Variants in TRAPPC9 observed in about 807,000 individuals in gnomAD.
TRAPPC9 encodes the protein IKK2 binding protein.
Under a neutral mutation model 124.0 loss-of-function variants are expected in TRAPPC9, and 83 were observed. The observed-to-expected ratio is 0.67, with a 90% CI of 0.56 to 0.80. TRAPPC9 has a LOEUF of 0.80. Among genes scored for constraint, TRAPPC9 ranks in the 30% least tolerant of loss-of-function variants. The probability of loss-of-function intolerance (pLI) is 0.00; values close to 1 mark genes in which losing one functional copy is unlikely to be tolerated. For synonymous variants in TRAPPC9, 638 were observed against 617.5 expected, an observed-to-expected ratio of 1.03 and a Z score of -0.49; for missense variants, 1,302 against 1,508.3, an observed-to-expected ratio of 0.86 and a Z score of 2.27.
At chr8:140,320,979 C>T (rs1345683831) in intron 9 of TRAPPC9, among the ~76,000 whole-genome samples, 1 of 152,234 alleles carries the variant, frequency 6.6e-6, no homozygotes, top group Non-Finnish European at 1.5e-5. Context: ...TCTAGCAGAA[C>T]AGCACTCCCA....
chr8:140,110,080 G>A (rs1396041487), intron 17 of TRAPPC9, among the ~76,000 whole-genome samples: 1 of 152,000 alleles, frequency 6.6e-6, no homozygotes, highest in Admixed American at 6.6e-5. Flanking sequence ...GGAGGCCCCA[G>A]ATGAGACAGT....
At chr8:139,992,861 G>GA (rs1421280763) in intron 18 of TRAPPC9, among the ~76,000 whole-genome samples, 1 of 151,970 alleles carries the variant, frequency 6.6e-6, no homozygotes, top group Non-Finnish European at 1.5e-5. Flanking sequence ...CAGGTACACA[G>GA]AAAATTAGAT....
At chr8:140,418,111 G>T (rs988296320) in intron 5 of TRAPPC9, among the ~76,000 whole-genome samples, 2 of 152,166 alleles carry the variant, frequency 1.3e-5, no homozygotes, top group African/African-American at 4.8e-5. Flanking sequence ...ACTTAATGTA[G>T]ATGACGGGTT....
At chr8:139,839,601 A>G (rs1826594011) in intron 21 of TRAPPC9, among the ~76,000 whole-genome samples, 1 of 152,226 alleles carries the variant, frequency 6.6e-6, no homozygotes, top group Non-Finnish European at 1.5e-5. Flanking sequence ...CTCATTAGTC[A>G]TGTTCGGAAC....
At chr8:140,346,386 G>A (rs1249568581) in intron 9 of TRAPPC9, among the ~76,000 whole-genome samples, 2 of 152,172 alleles carry the variant, frequency 1.3e-5, no homozygotes, top group African/African-American at 4.8e-5. Flanking sequence ...AAAGGGAGCG[G>A]CTGCTCCTGT....
At chr8:140,294,024 C>G (rs1188987860) in intron 11 of TRAPPC9, among the ~76,000 whole-genome samples, 1 of 152,044 alleles carries the variant, frequency 6.6e-6, no homozygotes, top group Non-Finnish European at 1.5e-5. Flanking sequence ...ATGTTATGCC[C>G]GTTCTACAAA....
intron 9 of TRAPPC9, among the ~76,000 whole-genome samples, chr8:140,341,657 A>T (rs2067197791): frequency 6.6e-6 from 1 of 152,104 alleles, no homozygotes; most frequent in South Asian, 2.1e-4. Context: ...CAAATGTGAT[A>T]AGCATTGTTA....
chr8:139,931,799 T>A, intron 19 of TRAPPC9: 1 of 174,726 alleles, frequency 5.7e-6, no homozygotes, highest in Non-Finnish European at 1.2e-5. Context: ...TGCCATGCGG[T>A]AGAAGAGGAA....
intron 17 of TRAPPC9, among the ~76,000 whole-genome samples, chr8:140,148,904 G>A (rs2061500140): frequency 2.6e-5 from 4 of 152,062 alleles, no homozygotes; most frequent in Non-Finnish European, 1.5e-5. Flanking sequence ...ACTTTATTGG[G>A]ATTGCAAATT....
At chr8:140,108,740 C>T (rs563396725) in intron 17 of TRAPPC9, among the ~76,000 whole-genome samples, 5 of 152,292 alleles carry the variant, frequency 3.3e-5, no homozygotes, top group African/African-American at 1.2e-4. Context: ...GCAGAAGGCC[C>T]TCAGCAAGTA....
chr8:139,974,334 T>C (rs1836299779), intron 19 of TRAPPC9, among the ~76,000 whole-genome samples: 1 of 152,134 alleles, frequency 6.6e-6, no homozygotes, highest in Non-Finnish European at 1.5e-5. Context: ...AGGGCAGGAA[T>C]TCCTGGATGA....
At position 140,382,473 on chromosome 8, in the gene TRAPPC9, C is replaced by T. The variant is rs185788751; in HGVS notation, c.1135-11293G>A. ...GTGCTTTTCCAATGGTCTTAGCAAACGGCACACCAGGAGATTATATCCCGC... is the reference window on the plus strand; with the variant it reads ...GTGCTTTTCCAATGGTCTTAGCAAATGGCACACCAGGAGATTATATCCCGC... On this transcript the variant is annotated intron_variant, in intron 7 of 22. Transcript: ENST00000438773. Among the ~76,000 whole-genome samples, 1,128 of 152,308 alleles carry T rather than the reference C, an allele frequency of 7.4e-3. 2 individuals are homozygous for T. Among genetic ancestry groups the T allele is most frequent in the Non-Finnish European group, 0.011 (751 of 68,026 alleles).
At chr8:140,346,327 AG>A (rs1185882402) in intron 9 of TRAPPC9, among the ~76,000 whole-genome samples, 1 of 152,200 alleles carries the variant, frequency 6.6e-6, no homozygotes, top group Non-Finnish European at 1.5e-5. Context: ...GATTACGCAC[AG>A]TACCCAACTT....
Position 140,067,435 on chromosome 8 carries a change from G to A in TRAPPC9, c.2557-43356C>T, listed in dbSNP as rs570692967. Among the ~76,000 whole-genome samples, 13 of 152,210 alleles carry A rather than the reference G, an allele frequency of 8.5e-5. No individual in the cohort carries two copies. The South Asian group carries it at 1.0e-3, about 12-fold the overall frequency. ...TGGGATTACAGGCCTGAGCCACCACGCCCCACCAACCTTCTAAGTTTTTAA... is the reference window on the plus strand; with the variant it reads ...TGGGATTACAGGCCTGAGCCACCACACCCCACCAACCTTCTAAGTTTTTAA... On this transcript the variant is annotated intron_variant, in intron 17 of 22. Transcript: ENST00000438773.
intron 21 of TRAPPC9, among the ~76,000 whole-genome samples, chr8:139,745,400 G>A (rs1818822500): frequency 6.6e-6 from 1 of 152,282 alleles, no homozygotes; most frequent in Non-Finnish European, 1.5e-5. Context: ...AATGAACAGA[G>A]GGGTGTGAAT....
At position 139,728,799 on chromosome 8, in the gene TRAPPC9, C is replaced by G. The variant is rs533880638; in HGVS notation, c.*2262G>C. ...CCCTCCTCCAAGAAGACAACTTTGC[C>G]TCCTGCCCCTTGAGGTTCTTCCTTC... On this transcript the variant is annotated 3_prime_UTR_variant, in exon 23 of 23. Coordinates refer to ENST00000438773, the MANE Select transcript of TRAPPC9 (RefSeq NM_001160372.4). Among the ~76,000 whole-genome samples, 1 of 152,344 alleles carries G rather than the reference C, an allele frequency of 6.6e-6. No homozygotes were observed. The highest frequency in any genetic ancestry group is 2.4e-5 in the African/African-American group (1 of 41,588).
chr8:140,169,003 T>C (rs1390840331), intron 17 of TRAPPC9, among the ~76,000 whole-genome samples: 1 of 150,904 alleles, frequency 6.6e-6, no homozygotes, highest in Non-Finnish European at 1.5e-5. Flanking sequence ...TGACACAAAC[T>C]GTTTTCGAGG....
Position 140,117,770 on chromosome 8 carries a change from G to A in TRAPPC9, c.2557-93691C>T, listed in dbSNP as rs115475981. Reference sequence around the variant, plus strand: ...AGTGAGTGAGCCTCTAACATGCTGCGTAACAGAACTCACTGAGCAGCAAAA... The same window carrying A: ...AGTGAGTGAGCCTCTAACATGCTGCATAACAGAACTCACTGAGCAGCAAAA... On this transcript the variant is annotated intron_variant, in intron 17 of 22. Coordinates refer to ENST00000438773, the MANE Select transcript of TRAPPC9 (RefSeq NM_001160372.4). Among the ~76,000 whole-genome samples, 1,389 of 152,250 alleles carry A rather than the reference G, an allele frequency of 9.1e-3. 13 individuals are homozygous for A. Among genetic ancestry groups the A allele is most frequent in the African/African-American group, 0.031 (1,285 of 41,536 alleles).
chr8:139,995,361 T>C (rs1025824626), intron 18 of TRAPPC9, among the ~76,000 whole-genome samples: 8 of 152,160 alleles, frequency 5.3e-5, no homozygotes, highest in Non-Finnish European at 1.0e-4. Flanking sequence ...TTTCTTCCCT[T>C]TTCTCCCAGC....
Sources: allele counts gnomAD v4.1 joint callset (sites outside exome capture counted in the v4.1 genomes callset), GRCh38; gene constraint gnomAD v4.1.1; transcripts MANE v1.5; gene names NCBI Gene and HGNC (gene_info 2026-07-23, HGNC 2026-07-21).